LAMA1: variants seen among roughly 807,000 people sequenced by gnomAD.
The protein encoded by LAMA1 is laminin subunit alpha 1.
In LAMA1, 219 loss-of-function variants were observed where a neutral mutation model predicts 348.7. The observed-to-expected ratio is 0.63, with a 90% CI of 0.56 to 0.70. The LOEUF (loss-of-function observed/expected upper bound fraction) is 0.70. Among genes scored for constraint, LAMA1 ranks in the 30% least tolerant of loss-of-function variants. The pLI is 0.00. For missense variants in LAMA1, 3,744 were observed against 3,888.0 expected (o/e 0.96, Z 0.99); for synonymous variants, 1,487 against 1,491.0 (o/e 1.00, Z 0.06).
In LAMA1 at chr18:7,038,897, C is replaced by G; in HGVS notation, c.1476G>C (p.Leu492Phe). 6.2e-7 allele frequency: 1 copy of G among 1,614,058 alleles called. No homozygotes were observed. Reference protein sequence around the residue: ...CDRCKPGFYNLKEKNPRGCSE... With the variant: ...CDRCKPGFYNFKEKNPRGCSE... Reference sequence around the variant, plus strand: ...AGCAGCCCCGGGGGTTTTTTTCCTTCAAGTTATAGAATCCTGGCTTGCAGC... The same window carrying G: ...AGCAGCCCCGGGGGTTTTTTTCCTTGAAGTTATAGAATCCTGGCTTGCAGC... Residue 492 changes from leucine (L) to phenylalanine (F), a missense_variant, in exon 11 of 63, where the codon TTG becomes TTC. Physicochemically the swap from Leu to Phe is conservative, Grantham distance 22. Around this residue, in one of 3 missense-constraint regions of LAMA1, gnomAD observed 1,529 missense variants for 1,689.4 expected, o/e 0.91. Transcript: ENST00000389658.
At chr18:7,010,455 T>A in intron 25 of LAMA1, 70 bp from the exon 26 acceptor site, 1 of 1,381,930 alleles carries the variant, frequency 7.2e-7, no homozygotes, top group Admixed American at 1.7e-5. Flanking sequence ...ATTGCAAGAC[T>A]GCCACCATAA....
chr18:7,032,480 TG>T (rs1298444862), intron 15 of LAMA1, among the ~76,000 whole-genome samples: 1 of 152,214 alleles, frequency 6.6e-6, no homozygotes, highest in African/African-American at 2.4e-5. Flanking sequence ...AATATCAATA[TG>T]TTTGTCCAAG....
intron 1 of LAMA1, among the ~76,000 whole-genome samples, chr18:7,086,791 G>A (rs564494694): frequency 6.6e-6 from 1 of 152,262 alleles, no homozygotes; most frequent in Non-Finnish European, 1.5e-5. Context: ...CCGACTCTGT[G>A]TCTTTGGGCA....
chr18:7,014,995 C>T (rs1197169500), intron 22 of LAMA1, among the ~76,000 whole-genome samples: 1 of 151,880 alleles, frequency 6.6e-6, no homozygotes, highest in African/African-American at 2.4e-5. Context: ...TACAGGCGCC[C>T]ATCACCACGC....
rs571650028 is a variant in LAMA1, at chr18:7,082,452, T to G, written c.62-1995A>C. On this transcript the variant is annotated intron_variant, in intron 1 of 62. Transcript: ENST00000389658. ...AATCATGCAGCTCCCCAATTTATTA[T>G]TTTCATCAACCAGTAGTTAGACAGT... is the stretch of plus-strand genomic sequence containing the variant. Among the ~76,000 whole-genome samples, 13 of 152,336 alleles carry G rather than the reference T, an allele frequency of 8.5e-5. No individual in the cohort carries two copies. In the South Asian group the frequency reaches 2.7e-3, roughly 32 times the overall value.
chr18:6,951,038 G>T, intron 57 of LAMA1, 67 bp from the exon 58 acceptor site: 1 of 1,399,630 alleles, frequency 7.1e-7, no homozygotes. Context: ...AACCTCAAAA[G>T]AGGACCCAAC....
intron 9 of LAMA1, among the ~76,000 whole-genome samples, 193 bp from the exon 10 acceptor site, chr18:7,040,429 A>C (rs542510387): frequency 2.0e-5 from 3 of 152,250 alleles, no homozygotes; most frequent in Admixed American, 2.0e-4. Flanking sequence ...GCAAATGGCT[A>C]TATCTCCATT....
At chr18:6,987,349 T>C (rs180922754) in intron 36 of LAMA1, among the ~76,000 whole-genome samples, 8 of 152,340 alleles carry the variant, frequency 5.3e-5, no homozygotes, top group Admixed American at 3.9e-4. Flanking sequence ...GTTAAGAATT[T>C]ACCAATTTAT....
intron 34 of LAMA1, among the ~76,000 whole-genome samples, chr18:6,994,705 A>G (rs1247051572): frequency 9.3e-6 from 1 of 107,002 alleles, no homozygotes; most frequent in Non-Finnish European, 2.1e-5. Context: ...ACACATACAA[A>G]ATTCATAAAT....
At chr18:7,033,328 T>A (rs1446602083) in intron 14 of LAMA1, among the ~76,000 whole-genome samples, 2 of 151,954 alleles carry the variant, frequency 1.3e-5, no homozygotes, top group Non-Finnish European at 2.9e-5. Flanking sequence ...TGGTGGCATG[T>A]GCCTGTAGTC....
At chr18:6,968,853 T>G (rs1204183563) in intron 48 of LAMA1, among the ~76,000 whole-genome samples, 1 of 152,136 alleles carries the variant, frequency 6.6e-6, no homozygotes, top group East Asian at 1.9e-4. Context: ...TTTTAAAAAT[T>G]TAGAGGACAT....
chr18:6,959,268 C>T lies in LAMA1; in HGVS notation c.7778+73G>A, dbSNP rs79812753. The T allele has an allele frequency of 9.6e-3, 15,456 of 1,605,942 alleles. 99 individuals carry two copies. Among genetic ancestry groups the T allele is most frequent in the Non-Finnish European group, 0.012 (14,026 of 1,173,366 alleles). ...GTCATCTAGCCGCCCAGGGCACCAC[C>T]GCAAGGTTCCTCCCACATTCCCTCT... is the stretch of plus-strand genomic sequence containing the variant. On this transcript the variant is annotated intron_variant, in intron 54 of 62. Transcript: ENST00000389658.
intron 28 of LAMA1, among the ~76,000 whole-genome samples, chr18:7,007,855 G>T (rs895130981): frequency 6.6e-6 from 1 of 152,082 alleles, no homozygotes; most frequent in African/African-American, 2.4e-5. Context: ...GAGCCTTGAG[G>T]ACATTATGCT....
chr18:7,049,250 G>C lies in LAMA1; in HGVS notation c.596C>G (p.Thr199Arg), dbSNP rs748760453. The C allele has an allele frequency of 1.2e-6, 2 of 1,613,684 alleles. No homozygotes were observed. Among genetic ancestry groups the C allele is most frequent in the South Asian group, 2.2e-5 (2 of 91,064 alleles). ...LVPLEHGEIH[T>R]SLINGRPSAD... Reference sequence around the variant, plus strand: ...GCTTGGTCTGCCATTGATGAGTGATGTATGAATCTGAAGATGAAGGCATCA... The same window carrying C: ...GCTTGGTCTGCCATTGATGAGTGATCTATGAATCTGAAGATGAAGGCATCA... The change falls in exon 5 of 63, where the codon ACA becomes AGA. Residue 199 changes from threonine (T) to arginine (R), a missense_variant. By Grantham distance (71) the Thr-to-Arg change is moderately conservative. Around this residue, in one of 3 missense-constraint regions of LAMA1, gnomAD observed 1,529 missense variants for 1,689.4 expected, o/e 0.91. Transcript: ENST00000389658.
At chr18:6,972,957 C>T (rs1025846185) in intron 47 of LAMA1, 100 bp downstream of exon 47, 60 of 1,380,580 alleles carry the variant, frequency 4.3e-5, no homozygotes, top group Non-Finnish European at 5.9e-5. Flanking sequence ...TCCCAAAGTT[C>T]TGGGATTACA....
At chr18:6,995,034 G>A (rs1304284589) in intron 34 of LAMA1, among the ~76,000 whole-genome samples, 1 of 152,180 alleles carries the variant, frequency 6.6e-6, no homozygotes, top group Admixed American at 6.5e-5. Flanking sequence ...GAATTTAGGA[G>A]AAGGAAGAAA....
intron 1 of LAMA1, among the ~76,000 whole-genome samples, chr18:7,087,486 T>C (rs1320890657): frequency 6.6e-6 from 1 of 152,218 alleles, no homozygotes; most frequent in African/African-American, 2.4e-5. Flanking sequence ...AACCAGCTCT[T>C]CCTTCCCCTG....
Position 6,961,859 on chromosome 18 carries a change from C to T in LAMA1, c.7452+86G>A, listed in dbSNP as rs1473956210. On this transcript the variant is annotated intron_variant, in intron 52 of 62. Transcript: ENST00000389658. ...GATTTCCCCATCATCTCTTTTCTAT[C>T]CCCACTGGTTTGTTGTGTTATGATG... is the stretch of plus-strand genomic sequence containing the variant. 6.8e-5 allele frequency: 106 copies of T among 1,565,696 alleles called. No individual in the cohort carries two copies. In the South Asian group the frequency reaches 1.1e-3, roughly 16 times the overall value.
At position 6,947,258 on chromosome 18, in the gene LAMA1, T is replaced by G; in HGVS notation, c.8749A>C (p.Thr2917Pro). The change falls in exon 61 of 63, where the codon ACA (threonine) becomes CCA (proline). Residue 2917 changes from threonine (T) to proline (P), a missense_variant. This residue lies in a region of LAMA1 where 232 missense variants were observed against 264.4 expected (regional missense o/e 0.88). Coordinates refer to ENST00000389658, the MANE Select transcript of LAMA1 (RefSeq NM_005559.4). ...GYKVQSDVNITLEFRTSSQNG... is the reference protein window; with the variant it reads ...GYKVQSDVNIPLEFRTSSQNG... ...TGCGAGGAGGTTCGAAACTCCAGTG[T>G]GATGTTCACATCTGACTGGACTTTG... 6.2e-7 allele frequency: 1 copy of G among 1,614,090 alleles called. No individual in the cohort carries two copies. Among genetic ancestry groups the G allele is most frequent in the South Asian group, 1.1e-5 (1 of 91,074 alleles).
Sources: gnomAD v4.1 joint callset for allele counts (sites outside exome capture counted in the v4.1 genomes callset) on GRCh38, gnomAD v4.1.1 for gene constraint, gnomAD v4.1.1 regional missense constraint, MANE v1.5 for transcripts, NCBI Gene and HGNC (gene_info 2026-07-23, HGNC 2026-07-21) for gene names.